Variants in XPNPEP2 observed in about 807,000 individuals in gnomAD.
The protein encoded by XPNPEP2 is X-prolyl aminopeptidase 2.
XPNPEP2 carries 64 observed loss-of-function variants against 59.8 expected under a neutral mutation model. The ratio of observed to expected loss-of-function variants is 1.07; its 90% CI spans 0.87 to 1.32. The LOEUF is 1.32. Among genes scored for constraint, XPNPEP2 ranks in the 40% most tolerant of loss-of-function variants. The probability of loss-of-function intolerance (pLI) is 0.00; values close to 1 mark genes in which losing one functional copy is unlikely to be tolerated. For missense variants in XPNPEP2, 575 were observed against 546.8 expected, an observed-to-expected ratio of 1.05 and a Z score of -0.51; for synonymous variants, 235 against 210.0, an observed-to-expected ratio of 1.12 and a Z score of -1.03.
intron 7 of XPNPEP2, among the ~76,000 whole-genome samples, chrX:129,749,070 A>G (rs1926349241): frequency 8.9e-6 from 1 of 112,515 alleles, no homozygotes; most frequent in Non-Finnish European, 1.9e-5. Context: ...ATTTGGGTTC[A>G]TTTGGTTTCT....
chrX:129,752,778 G>A (rs1926445067), intron 10 of XPNPEP2, among the ~76,000 whole-genome samples: 1 of 112,376 alleles, frequency 8.9e-6, no homozygotes, highest in Non-Finnish European at 1.9e-5. Flanking sequence ...ACACATGGTA[G>A]TGTCCAATAA....
intron 13 of XPNPEP2, among the ~76,000 whole-genome samples, chrX:129,755,948 G>A (rs1417744076): frequency 8.9e-6 from 1 of 112,217 alleles, no homozygotes; most frequent in Non-Finnish European, 1.9e-5. Flanking sequence ...TCGGGCTAGA[G>A]TGGCAGGGTG....
chrX:129,765,407 CAA>C (rs1926730456), intron 19 of XPNPEP2, among the ~76,000 whole-genome samples: 1 of 111,272 alleles, frequency 9.0e-6, no homozygotes, highest in Non-Finnish European at 1.9e-5. Flanking sequence ...ATTTCCAAGA[CAA>C]AAAGTACAAG....
At chrX:129,746,710 G>T in intron 6 of XPNPEP2, 29 bp downstream of exon 6, 1 of 1,177,636 alleles carries the variant, frequency 8.5e-7, no homozygotes, top group East Asian at 3.0e-5. Context: ...CCCTGAATTT[G>T]TCCATGCTAA....
At chrX:129,762,445 G>A (rs1267114497) in intron 18 of XPNPEP2, among the ~76,000 whole-genome samples, 2 of 111,943 alleles carry the variant, frequency 1.8e-5, no homozygotes, top group Non-Finnish European at 1.9e-5. Context: ...TGGGTTTTTA[G>A]GGCTTCCCTG....
At chrX:129,757,247 T>G (rs1926542919) in intron 14 of XPNPEP2, among the ~76,000 whole-genome samples, 1 of 107,553 alleles carries the variant, frequency 9.3e-6, no homozygotes, top group Admixed American at 1.0e-4. Flanking sequence ...GTAAAATGTT[T>G]TCTAAGTCCA....
intron 19 of XPNPEP2, among the ~76,000 whole-genome samples, chrX:129,765,635 CTTTTTTTT>C (rs56014067): frequency 1.2e-4 from 8 of 67,327 alleles, no homozygotes; most frequent in African/African-American, 4.2e-4. Flanking sequence ...TTCTTTCTTT[CTTTTTTTT>C]TTTTTTTTTT....
chrX:129,760,674 T>G (rs1360473400), intron 16 of XPNPEP2, 93 bp downstream of exon 16: 11 of 929,670 alleles, frequency 1.2e-5, no homozygotes, highest in South Asian at 2.2e-5. Context: ...GCAAGGATTT[T>G]GTCATCATCC....
At chrX:129,744,104 C>G in intron 3 of XPNPEP2, 33 bp downstream of exon 3, 1 of 1,150,332 alleles carries the variant, frequency 8.7e-7, no homozygotes, top group Non-Finnish European at 1.2e-6. Context: ...CTTGCCCTCT[C>G]TGCTACCCTG....
chrX:129,745,550 C>T (rs1385358961), intron 4 of XPNPEP2, among the ~76,000 whole-genome samples: 3 of 111,733 alleles, frequency 2.7e-5, no homozygotes, highest in African/African-American at 6.5e-5. Flanking sequence ...TCCCAGGCTC[C>T]GTTTCTAAAT....
intron 1 of XPNPEP2, 46 bp downstream of exon 1, chrX:129,739,308 C>T (rs764064068): frequency 6.9e-6 from 8 of 1,159,684 alleles, no homozygotes; most frequent in South Asian, 5.5e-5. Context: ...TGACCTCTCC[C>T]CTCTGAGCTC....
At chrX:129,755,214 A>T in intron 12 of XPNPEP2, 80 bp from the exon 13 acceptor site, 1 of 998,098 alleles carries the variant, frequency 1.0e-6, no homozygotes. Context: ...CATGACCTTC[A>T]TTGGATTTGA....
chrX:129,739,717 A>G (rs1197668549), intron 1 of XPNPEP2, among the ~76,000 whole-genome samples: 1 of 112,022 alleles, frequency 8.9e-6, no homozygotes, highest in African/African-American at 3.3e-5. Flanking sequence ...GAGTGATCAG[A>G]TATCAAGGGT....
At position 129,746,517 on chromosome X, in the gene XPNPEP2, T is replaced by C. The variant is rs373094003; in HGVS notation, c.404-78T>C. On this transcript the variant is annotated intron_variant, in intron 5 of 20. Coordinates refer to ENST00000371106, the MANE Select transcript of XPNPEP2 (RefSeq NM_003399.6). Reference sequence around the variant, plus strand: ...AAGGAAGACACACATGGTAGGACCATCAGACAGAACCCCTGGCTGGAGAGC... The same window carrying C: ...AAGGAAGACACACATGGTAGGACCACCAGACAGAACCCCTGGCTGGAGAGC... 1.8e-5 allele frequency: 19 copies of C among 1,031,396 alleles called. No homozygotes were observed. In the African/African-American group the frequency reaches 3.2e-4, roughly 17 times the overall value. 85.0% of individuals were successfully genotyped at this position (1,031,396 alleles called of 1,213,427 possible). A position where few individuals can be genotyped will look rare whatever the true frequency, so the allele number is the denominator to read the frequency against.
At chrX:129,743,384 T>C (rs1351156074) in intron 2 of XPNPEP2, among the ~76,000 whole-genome samples, 1 of 112,215 alleles carries the variant, frequency 8.9e-6, no homozygotes, top group Non-Finnish European at 1.9e-5. Flanking sequence ...GGTGGCAACC[T>C]GAAAAAGCCC....
chrX:129,757,023 T>C (rs60401348), intron 14 of XPNPEP2, among the ~76,000 whole-genome samples: 3,915 of 77,688 alleles, frequency 0.05, 254 homozygotes, highest in African/African-American at 0.24. Context: ...TATATATATA[T>C]ACACACACAC....
chrX:129,756,129 C>G (rs1028520020), intron 13 of XPNPEP2, among the ~76,000 whole-genome samples: 1 of 112,654 alleles, frequency 8.9e-6, no homozygotes, highest in Admixed American at 9.3e-5. Context: ...GCCGCTTTAC[C>G]GCGCATCCTC....
At chrX:129,764,017 A>G (rs780330823) in intron 19 of XPNPEP2, among the ~76,000 whole-genome samples, 12 of 110,388 alleles carry the variant, frequency 1.1e-4, no homozygotes, top group Non-Finnish European at 1.5e-4. Context: ...AGGAAAACCT[A>G]TATCAATTCA....
Position 129,750,527 on chromosome X carries a change from G to T in XPNPEP2, c.697G>T (p.Val233Phe). The T allele has an allele frequency of 8.4e-7, 1 of 1,195,657 alleles. No individual in the cohort carries two copies. The highest frequency in any genetic ancestry group is 1.1e-6 in the Non-Finnish European group (1 of 887,755). Reference protein sequence around the residue: ...VRSQMQKHQKVPTAVLLSALE... With the variant: ...VRSQMQKHQKFPTAVLLSALE... ...AAGCCAGATGCAGAAGCATCAAAAG[G>T]TCCCGACTGCCGTCCTTCTGTCGGC... is the stretch of plus-strand genomic sequence containing the variant. Residue 233 changes from valine to phenylalanine, a missense_variant, in exon 8 of 21, where the codon GTC becomes TTC. Physicochemically the swap from Val to Phe is conservative, Grantham distance 50. Transcript: ENST00000371106.
Sources: allele counts gnomAD v4.1 joint callset (sites outside exome capture counted in the v4.1 genomes callset), GRCh38; gene constraint gnomAD v4.1.1; transcripts MANE v1.5; gene names NCBI Gene and HGNC (gene_info 2026-07-23, HGNC 2026-07-21).